TSPAN5: variants seen among roughly 807,000 people sequenced by gnomAD.
The protein encoded by TSPAN5 is tetraspanin-5.
TSPAN5 carries 10 observed loss-of-function variants against 37.1 expected under a neutral mutation model. The observed-to-expected ratio is 0.27, with a 90% CI of 0.17 to 0.46. The LOEUF is 0.46. TSPAN5 is among the 20% of genes least tolerant of loss of function. The pLI, the probability that TSPAN5 is intolerant of heterozygous loss-of-function variation, is 1.00. For missense variants in TSPAN5, 195 were observed against 326.6 expected (o/e 0.60, Z 3.11); for synonymous variants, 110 against 118.9 (o/e 0.93, Z 0.48).
At chr4:98,638,528 GT>G (rs1230405882) in intron 1 of TSPAN5, among the ~76,000 whole-genome samples, 1 of 152,134 alleles carries the variant, frequency 6.6e-6, no homozygotes, top group Non-Finnish European at 1.5e-5. Context: ...TGGTTTCTTT[GT>G]TTTGGTTATT....
intron 2 of TSPAN5, among the ~76,000 whole-genome samples, chr4:98,490,721 T>A (rs529312733): frequency 3.3e-4 from 50 of 152,332 alleles, no homozygotes; most frequent in Admixed American, 9.1e-4. Flanking sequence ...TTTATCTACT[T>A]ATTTAAAATT....
intron 1 of TSPAN5, among the ~76,000 whole-genome samples, chr4:98,519,810 A>G (rs1753813952): frequency 6.6e-6 from 1 of 152,234 alleles, no homozygotes; most frequent in Non-Finnish European, 1.5e-5. Context: ...CTCTAGAGTC[A>G]AACTTAGCTT....
intron 1 of TSPAN5, among the ~76,000 whole-genome samples, chr4:98,572,155 G>T (rs543593785): frequency 6.6e-6 from 1 of 152,022 alleles, no homozygotes; most frequent in East Asian, 1.9e-4. Flanking sequence ...GTAGAGACGG[G>T]GTTTCGCCGT....
At chr4:98,552,766 A>G (rs1273933089) in intron 1 of TSPAN5, among the ~76,000 whole-genome samples, 2 of 152,218 alleles carry the variant, frequency 1.3e-5, no homozygotes, top group Non-Finnish European at 2.9e-5. Flanking sequence ...ACATGAGGAT[A>G]CCCTAAGAAT....
intron 1 of TSPAN5, among the ~76,000 whole-genome samples, chr4:98,646,539 A>G (rs1472059087): frequency 6.6e-6 from 1 of 152,182 alleles, no homozygotes; most frequent in African/African-American, 2.4e-5. Flanking sequence ...AATAGGAGAC[A>G]CTTTGATTTT....
chr4:98,583,098 A>T (rs1436642489), intron 1 of TSPAN5, among the ~76,000 whole-genome samples: 1 of 152,184 alleles, frequency 6.6e-6, no homozygotes, highest in Non-Finnish European at 1.5e-5. Context: ...TGTCAACTGA[A>T]ATAACTTAAG....
At chr4:98,580,794 A>G (rs1041975461) in intron 1 of TSPAN5, among the ~76,000 whole-genome samples, 4 of 152,182 alleles carry the variant, frequency 2.6e-5, no homozygotes, top group African/African-American at 7.2e-5. Context: ...ATGTCAGCCA[A>G]TTGGAGACCC....
In TSPAN5 at chr4:98,558,423, T is replaced by G. The variant is rs1414260298; in HGVS notation, c.82-50695A>C. ...TGGCTAAGTAAATCCATACTGAATT[T>G]AGAACAGAGATTATTAGGCAAAAAG... is the stretch of plus-strand genomic sequence containing the variant. On this transcript the variant is annotated intron_variant, in intron 1 of 7. Transcript: ENST00000305798. 2.0e-5 allele frequency among the ~76,000 whole-genome samples: 3 copies of G among 152,190 alleles called. No individual in the cohort carries two copies. The South Asian group carries it at 6.2e-4, about 32-fold the overall frequency.
chr4:98,557,135 T>C (rs547992836), intron 1 of TSPAN5, among the ~76,000 whole-genome samples: 1 of 147,572 alleles, frequency 6.8e-6, no homozygotes, highest in South Asian at 2.2e-4. Flanking sequence ...ATGTCTTTGA[T>C]AGTAACACTT....
intron 7 of TSPAN5, among the ~76,000 whole-genome samples, chr4:98,473,870 C>T (rs1051688582): frequency 1.3e-5 from 2 of 152,196 alleles, no homozygotes; most frequent in Non-Finnish European, 2.9e-5. Context: ...GTGCAGGCTC[C>T]TGCCTCTGCT....
chr4:98,637,907 A>T (rs6831674), intron 1 of TSPAN5, among the ~76,000 whole-genome samples: 48,354 of 152,076 alleles, frequency 0.32, 8,075 homozygotes, highest in Non-Finnish European at 0.37. Context: ...CTTCATGTCC[A>T]ACAGTGCTGA....
chr4:98,576,565 A>C (rs539840820), intron 1 of TSPAN5, among the ~76,000 whole-genome samples: 20 of 152,148 alleles, frequency 1.3e-4, no homozygotes, highest in African/African-American at 4.6e-4. Flanking sequence ...AAAACTAAAA[A>C]ATTAGCCAGG....
intron 1 of TSPAN5, among the ~76,000 whole-genome samples, chr4:98,614,072 G>T (rs1756263220): frequency 6.6e-6 from 1 of 152,036 alleles, no homozygotes; most frequent in South Asian, 2.1e-4. Flanking sequence ...CCTAAACAAT[G>T]ATTTCATTTT....
chr4:98,528,229 T>C (rs1754006021), intron 1 of TSPAN5, among the ~76,000 whole-genome samples: 1 of 152,172 alleles, frequency 6.6e-6, no homozygotes, highest in South Asian at 2.1e-4. Flanking sequence ...ATATGAACTC[T>C]CTTTAAAAGA....
At chr4:98,526,766 T>G (rs1753972980) in intron 1 of TSPAN5, among the ~76,000 whole-genome samples, 1 of 152,180 alleles carries the variant, frequency 6.6e-6, no homozygotes, top group Non-Finnish European at 1.5e-5. Flanking sequence ...GACCACTGTT[T>G]TTTAAACAGG....
At chr4:98,561,178 C>T (rs1296394214) in intron 1 of TSPAN5, among the ~76,000 whole-genome samples, 4 of 152,240 alleles carry the variant, frequency 2.6e-5, no homozygotes, top group African/African-American at 9.6e-5. Context: ...TCCATGCTCT[C>T]TTCTTTACCC....
chr4:98,523,650 G>A (rs1216107376), intron 1 of TSPAN5, among the ~76,000 whole-genome samples: 1 of 152,188 alleles, frequency 6.6e-6, no homozygotes, highest in African/African-American at 2.4e-5. Context: ...TGGCCAGGCT[G>A]GTCAACATGA....
At chr4:98,594,077 A>C (rs2110212239) in intron 1 of TSPAN5, among the ~76,000 whole-genome samples, 1 of 79,506 alleles carries the variant, frequency 1.3e-5, no homozygotes, top group South Asian at 5.9e-4. Context: ...ATGAGCATGG[A>C]ATGTTCTTCC....
At chr4:98,562,696 CA>C (rs869162712) in intron 1 of TSPAN5, among the ~76,000 whole-genome samples, 1 of 148,552 alleles carries the variant, frequency 6.7e-6, no homozygotes. Flanking sequence ...CAAAACAAAA[CA>C]AAAAAACAGG....
Sources: allele counts gnomAD v4.1 joint callset (sites outside exome capture counted in the v4.1 genomes callset), GRCh38; gene constraint gnomAD v4.1.1; transcripts MANE v1.5; gene names NCBI Gene and HGNC (gene_info 2026-07-23, HGNC 2026-07-21).